CNIH3: variants seen among roughly 807,000 people sequenced by gnomAD.
CNIH3 encodes the protein protein cornichon homolog 3.
A neutral mutation model predicts 24.1 loss-of-function variants in CNIH3; 14 were observed. The observed-to-expected ratio is 0.58, with a 90% confidence interval of 0.38 to 0.91. CNIH3 has a LOEUF of 0.91. CNIH3 is among the 40% of genes least tolerant of loss of function. The pLI is 0.00. For missense variants in CNIH3, 178 were observed against 196.8 expected, an observed-to-expected ratio of 0.90 and a Z score of 0.57; for synonymous variants, 68 against 73.8, an observed-to-expected ratio of 0.92 and a Z score of 0.40.
At chr1:224,574,196 A>T (rs756050813) in intron 4 of CNIH3, among the ~76,000 whole-genome samples, 4 of 152,076 alleles carry the variant, frequency 2.6e-5, no homozygotes, top group African/African-American at 4.8e-5. Flanking sequence ...GTGGGTCCCT[A>T]TGGCCATAAT....
At chr1:224,588,081 C>T (rs1681587422) in intron 5 of CNIH3, among the ~76,000 whole-genome samples, 1 of 152,152 alleles carries the variant, frequency 6.6e-6, no homozygotes, top group Admixed American at 6.5e-5. Flanking sequence ...CACCCCATTC[C>T]TAGATATTTG....
In CNIH3 at chr1:224,457,626, C is replaced by T. The variant is rs374486560; in HGVS notation, n.203+22764C>T. Among the ~76,000 whole-genome samples the T allele has an allele frequency of 2.0e-3, 309 of 151,402 alleles. 1 individual carries two copies. Among genetic ancestry groups the T allele is most frequent in the African/African-American group, 7.3e-3 (300 of 41,174 alleles). On this transcript the variant is annotated intron_variant and non_coding_transcript_variant, in intron 1 of 5. Transcript: ENST00000471578. Reference sequence around the variant, plus strand: ...GAATCCTGTTAAGGGAGGAATCTCGCGGTCTCATTTCCAGCCAGGCACTTT... The same window carrying T: ...GAATCCTGTTAAGGGAGGAATCTCGTGGTCTCATTTCCAGCCAGGCACTTT...
chr1:224,670,522 C>T (rs1470378719), intron 1 of CNIH3, among the ~76,000 whole-genome samples: 1 of 152,220 alleles, frequency 6.6e-6, no homozygotes, highest in Non-Finnish European at 1.5e-5. Flanking sequence ...GCTCTTGAGA[C>T]AATGATAAGC....
chr1:224,724,241 C>A (rs2125229710), intron 3 of CNIH3, among the ~76,000 whole-genome samples: 1 of 152,314 alleles, frequency 6.6e-6, no homozygotes, highest in East Asian at 1.9e-4. Flanking sequence ...CGACCCAACC[C>A]AAGTCCCAGC....
intron 3 of CNIH3, among the ~76,000 whole-genome samples, chr1:224,598,792 T>C (rs534643691): frequency 6.6e-6 from 1 of 152,362 alleles, no homozygotes; most frequent in Admixed American, 6.5e-5. Flanking sequence ...ATTATTATTT[T>C]AGACTGAATA....
At chr1:224,554,693 C>T (rs1680064115) in intron 3 of CNIH3, among the ~76,000 whole-genome samples, 1 of 151,936 alleles carries the variant, frequency 6.6e-6, no homozygotes, top group African/African-American at 2.4e-5. Context: ...AAGTAATCCT[C>T]CCACCTCAGC....
intron 2 of CNIH3, among the ~76,000 whole-genome samples, chr1:224,682,773 C>T (rs1005925317): frequency 6.6e-6 from 1 of 152,172 alleles, no homozygotes. Flanking sequence ...TTAGGAATGC[C>T]AGGCAAGACA....
At chr1:224,683,871 AGT>A (rs1346041512) in intron 2 of CNIH3, among the ~76,000 whole-genome samples, 12 of 152,248 alleles carry the variant, frequency 7.9e-5, no homozygotes, top group Non-Finnish European at 1.8e-4. Context: ...AGGAGGATGC[AGT>A]GTGTCTTTCC....
intron 4 of CNIH3, chr1:224,575,033 G>A (rs1354426852): frequency 1.1e-6 from 1 of 875,762 alleles, no homozygotes. Flanking sequence ...AGTTAATCCA[G>A]TACTGCCAGT....
intron 3 of CNIH3, among the ~76,000 whole-genome samples, chr1:224,727,595 G>A (rs1430073001): frequency 1.3e-5 from 2 of 152,222 alleles, no homozygotes; most frequent in Non-Finnish European, 2.9e-5. Flanking sequence ...AAGGCTGAGT[G>A]CTGGGTGTGA....
chr1:224,647,538 C>A (rs1572652775), intron 1 of CNIH3, among the ~76,000 whole-genome samples: 1 of 152,122 alleles, frequency 6.6e-6, no homozygotes, highest in East Asian at 1.9e-4. Flanking sequence ...TTCTGTGTGG[C>A]CAAGGCTGTG....
intron 3 of CNIH3, among the ~76,000 whole-genome samples, chr1:224,687,637 A>T (rs1350933432): frequency 3.3e-5 from 5 of 152,168 alleles, no homozygotes; most frequent in Non-Finnish European, 5.9e-5. Context: ...TGTGCCCTGG[A>T]TACCTGAGAT....
chr1:224,484,924 G>A (rs1435884795), intron 1 of CNIH3, among the ~76,000 whole-genome samples: 4 of 152,154 alleles, frequency 2.6e-5, no homozygotes, highest in African/African-American at 7.2e-5. Context: ...CATTGACTGT[G>A]AATTCTAACA....
At chr1:224,453,962 G>T (rs1374265782) in intron 1 of CNIH3, among the ~76,000 whole-genome samples, 4 of 152,002 alleles carry the variant, frequency 2.6e-5, no homozygotes, top group Admixed American at 1.3e-4. Flanking sequence ...AAAAGATTGC[G>T]CATTAAGAAT....
At chr1:224,485,250 C>T (rs1420254342) in intron 1 of CNIH3, among the ~76,000 whole-genome samples, 1 of 152,176 alleles carries the variant, frequency 6.6e-6, no homozygotes, top group African/African-American at 2.4e-5. Flanking sequence ...TTCAGAATCC[C>T]TTACAGGTAA....
chr1:224,517,937 G>A (rs74896908), intron 1 of CNIH3, among the ~76,000 whole-genome samples: 2,183 of 152,214 alleles, frequency 0.014, 19 homozygotes, highest in Non-Finnish European at 0.021. Context: ...CCTTGAGGAG[G>A]GTAAGGAATG....
chr1:224,557,604 G>T (rs1334312698), intron 3 of CNIH3, among the ~76,000 whole-genome samples: 1 of 152,030 alleles, frequency 6.6e-6, no homozygotes, highest in Non-Finnish European at 1.5e-5. Flanking sequence ...CTACAGGCAC[G>T]TGCCACCATG....
chr1:224,687,952 C>A (rs1393131944), intron 3 of CNIH3, among the ~76,000 whole-genome samples: 1 of 152,118 alleles, frequency 6.6e-6, no homozygotes, highest in Non-Finnish European at 1.5e-5. Context: ...TAAGTCCGTT[C>A]CTTGGAGGGA....
In CNIH3 at chr1:224,609,956, T is replaced by G. The variant is rs377030001; in HGVS notation, n.402+43692T>G. Among the ~76,000 whole-genome samples the G allele has an allele frequency of 3.3e-4, 51 of 152,316 alleles. No individual in the cohort carries two copies. The South Asian group carries it at 0.01, about 31-fold the overall frequency. Reference sequence around the variant, plus strand: ...CGACTTATGACTGTTCATCTTAAGATTTTTCAACTTCACAATAGTGCCAAA... The same window carrying G: ...CGACTTATGACTGTTCATCTTAAGAGTTTTCAACTTCACAATAGTGCCAAA... On this transcript the variant is annotated intron_variant and non_coding_transcript_variant, in intron 3 of 7. Coordinates refer to the CNIH3 transcript ENST00000478120.
Sources: gnomAD v4.1 joint callset for allele counts (sites outside exome capture counted in the v4.1 genomes callset) on GRCh38, gnomAD v4.1.1 for gene constraint, MANE v1.5 for transcripts, NCBI Gene and HGNC (gene_info 2026-07-23, HGNC 2026-07-21) for gene names.